Variants in IRGQ observed in about 807,000 individuals in gnomAD.
IRGQ encodes the protein immunity related GTPase Q, also known as immunity-related GTPase family Q protein.
A neutral mutation model predicts 10.5 loss-of-function variants in IRGQ; 5 were observed. That is an observed-to-expected ratio of 0.48 (90% CI 0.25 to 1.00). The LOEUF (loss-of-function observed/expected upper bound fraction) is 1.00, where lower values mean the gene tolerates loss of function less well. Among genes scored for constraint, IRGQ ranks in the 50% least tolerant of loss-of-function variants. IRGQ has a pLI of 0.16. For synonymous variants in IRGQ, 418 were observed against 426.0 expected, an observed-to-expected ratio of 0.98 and a Z score of 0.23; for missense variants, 792 against 877.7, an observed-to-expected ratio of 0.90 and a Z score of 1.23.
Position 43,590,227 on chromosome 19 carries a change from CA to C in IRGQ, c.*1798del, listed in dbSNP as rs1189991505. On this transcript the variant is annotated 3_prime_UTR_variant, in exon 3 of 3. Coordinates refer to ENST00000422989, the MANE Select transcript of IRGQ (RefSeq NM_001007561.3). The stretch of plus-strand genomic sequence containing the variant: ...AAAAAAAAAAAGAAGGAAAGTCTAT[CA>C]GGCTGGACAGGAGTGGGAAGGGGCA... 6.6e-6 allele frequency: 1 copy of C among 152,326 alleles called. No individual in the cohort carries two copies. The highest frequency in any genetic ancestry group is 6.5e-5 in the Admixed American group (1 of 15,274). 9.4% of individuals were successfully genotyped at this position (152,326 alleles called of 1,614,324 possible). A position where few individuals can be genotyped will look rare whatever the true frequency, so the allele number is the denominator to read the frequency against.
At position 43,595,102 on chromosome 19, in the gene IRGQ, T is replaced by A. The variant is rs1973116988; in HGVS notation, c.237A>T (p.Val79=). 2 of 1,606,532 alleles carry A rather than the reference T, an allele frequency of 1.2e-6. No homozygotes were observed. Among genetic ancestry groups the A allele is most frequent in the South Asian group, 2.2e-5 (2 of 90,690 alleles). ...TCCCCTCGGGTCCGGGCAGCACCAGTACCAGCACGTTGGCTTCCGCCGCCC... is the reference window on the plus strand; with the variant it reads ...TCCCCTCGGGTCCGGGCAGCACCAGAACCAGCACGTTGGCTTCCGCCGCCC... ...GPWAAEANVL[V]LVLPGPEGNG... The change falls in exon 2 of 3, where the codon GTA becomes GTT. Residue 79 remains valine, a synonymous_variant. Coordinates refer to ENST00000422989, the MANE Select transcript of IRGQ (RefSeq NM_001007561.3).
Position 43,593,243 on chromosome 19 carries a change from G to A in IRGQ, c.655C>T (p.Arg219Cys), listed in dbSNP as rs1191239590. 6.3e-7 allele frequency: 1 copy of A among 1,588,312 alleles called. No homozygotes were observed. Among genetic ancestry groups the A allele is most frequent in the Non-Finnish European group, 8.6e-7 (1 of 1,165,666 alleles). ...ALSWVRSGLE[R>C]LGSARLDLAV... ...AGGTCTAGCCGTGCGCTGCCCAGGC[G>A]CTCCAGGCCTGAGCGCACCCACGAC... Residue 219 changes from arginine (R) to cysteine (C), a missense_variant, in exon 3 of 3, where the codon CGC (arginine) becomes TGC (cysteine). Physicochemically the swap from Arg to Cys is radical, Grantham distance 180. Coordinates refer to ENST00000422989, the MANE Select transcript of IRGQ (RefSeq NM_001007561.3). This position sits in a 1 kb window ranked among gnomAD's most constrained non-coding sequence, Gnocchi z 6.4.
rs1269073906 is a variant in IRGQ at position 43,593,070 on chromosome 19, G to A, written c.828C>T (p.Thr276=). ...APERPNVVLW[T]VPLGHTGTAT... ...CAGTGCCCGTGTGGCCCAGAGGCAC[G>A]GTCCAGAGCACCACATTCGGGCGCT... The change falls in exon 3 of 3, where the codon ACC becomes ACT. Residue 276 remains threonine (T), a synonymous_variant. Transcript: ENST00000422989. This position sits in a 1 kb window ranked among gnomAD's most constrained non-coding sequence, Gnocchi z 6.4. 6.3e-7 allele frequency: 1 copy of A among 1,596,920 alleles called. No individual in the cohort carries two copies. The highest frequency in any genetic ancestry group is 8.6e-7 in the Non-Finnish European group (1 of 1,168,306).
In IRGQ at chr19:43,595,138, C is replaced by G; in HGVS notation, c.201G>C (p.Ala67=). The change falls in exon 2 of 3, where the codon GCG becomes GCC. Residue 67 remains alanine (A), a synonymous_variant. Coordinates refer to ENST00000422989, the MANE Select transcript of IRGQ (RefSeq NM_001007561.3). ...TGGCTTCCGCCGCCCAGGGCCCCGG[C>G]GCTGCGGGTGGGCAGCTCAGCTCGC... ...FLGELSCPPA[A]PGPWAAEANV... is the part of the protein sequence containing the mutation. The G allele has an allele frequency of 1.2e-6, 2 of 1,600,520 alleles. No individual in the cohort carries two copies. The highest frequency in any genetic ancestry group is 1.7e-6 in the Non-Finnish European group (2 of 1,173,008).
In IRGQ at chr19:43,592,686, A is replaced by C; in HGVS notation, c.1212T>G (p.Gly404=). ...CAGCGGCCCGCTCTGAGTCGCCACC[A>C]CCTGATTTCTTCATGCCGACAACCT... ...LQQVVGMKKS[G]GGDSERAAAL... is the part of the protein sequence containing the mutation. The change falls in exon 3 of 3, where the codon GGT becomes GGG. Residue 404 remains glycine (G), a synonymous_variant. Coordinates refer to ENST00000422989, the MANE Select transcript of IRGQ (RefSeq NM_001007561.3). 1 of 1,607,728 alleles carries C rather than the reference A, an allele frequency of 6.2e-7. No individual in the cohort carries two copies. The highest frequency in any genetic ancestry group is 1.1e-5 in the South Asian group (1 of 91,070).
At position 43,591,928 on chromosome 19, in the gene IRGQ, C is replaced by G; in HGVS notation, c.*98G>C. ...TCCAGGTGATAAGAAGTCACACATC[C>G]CAGCTGGAAGTCAAGAGTCCACATC... On this transcript the variant is annotated 3_prime_UTR_variant, in exon 3 of 3. Coordinates refer to ENST00000422989, the MANE Select transcript of IRGQ (RefSeq NM_001007561.3). 8.2e-7 allele frequency: 1 copy of G among 1,222,682 alleles called. No individual in the cohort carries two copies. The highest frequency in any genetic ancestry group is 1.6e-5 in the South Asian group (1 of 64,450). 75.7% of individuals were successfully genotyped at this position (1,222,682 alleles called of 1,614,324 possible). A position where few individuals can be genotyped will look rare whatever the true frequency, so the allele number is the denominator to read the frequency against.
Position 43,591,862 on chromosome 19 carries a change from A to AAC in IRGQ, c.*163_*164insGT. Reference sequence around the variant, plus strand: ...TTCGTCTCACAAAAAAAAGAAAAAAAAAAAAAAAAATCAGGATTCCTGTCC... The same window carrying AAC: ...TTCGTCTCACAAAAAAAAGAAAAAAAACAAAAAAAAAATCAGGATTCCTGTCC... On this transcript the variant is annotated 3_prime_UTR_variant, in exon 3 of 3. Coordinates refer to ENST00000422989, the MANE Select transcript of IRGQ (RefSeq NM_001007561.3). 1.0e-5 allele frequency: 7 copies of AAC among 697,472 alleles called. No homozygotes were observed. Among genetic ancestry groups the AAC allele is most frequent in the Non-Finnish European group, 1.5e-5 (7 of 456,792 alleles). The allele number at this position is 697,472 out of a possible 1,614,324, so 43.2% of individuals were successfully genotyped here. A position where few individuals can be genotyped will look rare whatever the true frequency, so the allele number is the denominator to read the frequency against.
rs1235994563 is a variant in IRGQ at position 43,586,215 on chromosome 19, C to A, written c.*5811G>T. The A allele has an allele frequency of 6.6e-6, 1 of 152,200 alleles. No homozygotes were observed. The highest frequency in any genetic ancestry group is 2.4e-5 in the African/African-American group (1 of 41,450). The allele number at this position is 152,200 out of a possible 1,614,324, so 9.4% of individuals were successfully genotyped here. On this transcript the variant is annotated 3_prime_UTR_variant, in exon 3 of 3. Transcript: ENST00000422989. ...AGCCCTGTGGTGCCATGCAGACACA[C>A]TTCAGTGGCGGCCAGTGATCTGTCT...
chr19:43,592,368 C>A lies in IRGQ; in HGVS notation c.1530G>T (p.Arg510=). The A allele has an allele frequency of 1.3e-6, 2 of 1,577,634 alleles. No homozygotes were observed. The highest frequency in any genetic ancestry group is 1.7e-6 in the Non-Finnish European group (2 of 1,169,992). ...LGWACDVALL[R]GQLAEWRRGL... ...CCCGTCGCCACTCCGCCAGCTGACC[C>A]CGCAGAAGTGCCACGTCGCATGCCC... is the stretch of plus-strand genomic sequence containing the variant. Residue 510 remains arginine, a synonymous_variant, in exon 3 of 3, where the codon CGG becomes CGT. Transcript: ENST00000422989.
rs1319499431 is a variant in IRGQ at position 43,588,997 on chromosome 19, A to T, written c.*3029T>A. The T allele has an allele frequency of 6.6e-6, 1 of 152,262 alleles. No homozygotes were observed. Among genetic ancestry groups the T allele is most frequent in the Non-Finnish European group, 1.5e-5 (1 of 68,054 alleles). The allele number at this position is 152,262 out of a possible 1,614,324, so 9.4% of individuals were successfully genotyped here. The stretch of plus-strand genomic sequence containing the variant: ...AAATTTTGTCAGCAGTGGGAGTCCA[A>T]GCTGGAGATGATGGTACCATCCCTT... On this transcript the variant is annotated 3_prime_UTR_variant, in exon 3 of 3. Transcript: ENST00000422989.
Position 43,588,288 on chromosome 19 carries a change from T to TGGGCATGATG in IRGQ, c.*3728_*3737dup, listed in dbSNP as rs1408997383. 6 of 151,374 alleles carry TGGGCATGATG rather than the reference T, an allele frequency of 4.0e-5. No individual in the cohort carries two copies. Among genetic ancestry groups the TGGGCATGATG allele is most frequent in the Non-Finnish European group, 7.4e-5 (5 of 67,870 alleles). The allele number at this position is 151,374 out of a possible 1,614,324, so 9.4% of individuals were successfully genotyped here. On this transcript the variant is annotated 3_prime_UTR_variant, in exon 3 of 3. Coordinates refer to ENST00000422989, the MANE Select transcript of IRGQ (RefSeq NM_001007561.3). ...CTCTACTAAAAATACAAAAATTAGC[T>TGGGCATGATG]GGGCATGATGGTGCATGCCTGTAAT...
Sources: gnomAD v4.1 joint callset for allele counts on GRCh38, gnomAD v4.1.1 for gene constraint, Gnocchi (gnomAD v3.1) non-coding constraint, MANE v1.5 for transcripts, NCBI Gene and HGNC (gene_info 2026-07-23, HGNC 2026-07-21) for gene names.